The following HIPK1 variants were observed in gnomAD, a reference collection of about 807,000 sequenced individuals.
HIPK1 encodes homeodomain-interacting protein kinase 1.
HIPK1 carries 28 observed loss-of-function variants against 117.1 expected under a neutral mutation model. The ratio of observed to expected loss-of-function variants is 0.24; its 90% CI spans 0.18 to 0.33. The LOEUF (loss-of-function observed/expected upper bound fraction) is 0.33. Ranked by LOEUF, HIPK1 falls within the 10% of genes least tolerant of loss-of-function variation. HIPK1 has a pLI of 1.00. For synonymous variants in HIPK1, 605 were observed against 562.5 expected (o/e 1.08, Z -1.07); for missense variants, 1,122 against 1,475.1 (o/e 0.76, Z 3.92).
chr1:113,970,487 A>G lies in HIPK1; in HGVS notation c.3013+290A>G, dbSNP rs770679210. Among the ~76,000 whole-genome samples, 3 of 152,268 alleles carry G rather than the reference A, an allele frequency of 2.0e-5. No homozygotes were observed. In the East Asian group the frequency reaches 5.8e-4, roughly 29 times the overall value. ...CAAGACGTGTGATATTGCAAGAAGA[A>G]TTAGCAGGCAATTAGGTTTGCCACA... is the stretch of plus-strand genomic sequence containing the variant. On this transcript the variant is annotated intron_variant, in intron 14 of 15. Coordinates refer to ENST00000426820, the MANE Select transcript of HIPK1 (RefSeq NM_198268.3).
At chr1:113,951,509 CCT>C (rs1223748765) in intron 2 of HIPK1, among the ~76,000 whole-genome samples, 3 of 152,164 alleles carry the variant, frequency 2.0e-5, no homozygotes, top group Non-Finnish European at 4.4e-5. Context: ...TTATGGATTA[CCT>C]TAGTCATCTC....
intron 1 of HIPK1, chr1:113,929,772 C>A: frequency 2.2e-6 from 2 of 915,250 alleles, no homozygotes; most frequent in Non-Finnish European, 2.6e-6. Flanking sequence ...GCTGAGGAGG[C>A]TCCCCCTGCG....
chr1:113,963,307 TGGG>T, intron 9 of HIPK1, 77 bp from the exon 10 acceptor site: 3 of 1,486,730 alleles, frequency 2.0e-6, no homozygotes, highest in Non-Finnish European at 2.8e-6. Flanking sequence ...AGTAATAACT[TGGG>T]GGGAATGAGA....
In HIPK1 at chr1:113,970,214, C is replaced by T; in HGVS notation, c.3013+17C>T. On this transcript the variant is annotated intron_variant, in intron 14 of 15. Transcript: ENST00000426820. ...AGGCCTCAGGTCAGTGTTATCTTCA[C>T]AGCTTGAGTTGAATTCTCCTTTGAT... The T allele has an allele frequency of 6.2e-7, 1 of 1,612,842 alleles. No individual in the cohort carries two copies. Among genetic ancestry groups the T allele is most frequent in the Non-Finnish European group, 8.5e-7 (1 of 1,178,890 alleles).
rs144510521 is a variant in HIPK1, at chr1:113,929,507, G to T, written c.-28G>T. On this transcript the variant is annotated 5_prime_UTR_variant, in exon 1 of 16. Coordinates refer to ENST00000426820, the MANE Select transcript of HIPK1 (RefSeq NM_198268.3). ...CAGTACTATGCGATCGTCCTAGAGAGTCCATTCAGCTGCACTTCCGCCTCA... is the reference window on the plus strand; with the variant it reads ...CAGTACTATGCGATCGTCCTAGAGATTCCATTCAGCTGCACTTCCGCCTCA... 7.8e-7 allele frequency: 1 copy of T among 1,288,862 alleles called. No individual in the cohort carries two copies. The highest frequency in any genetic ancestry group is 5.5e-5 in the East Asian group (1 of 18,070). 79.8% of individuals were successfully genotyped at this position (1,288,862 alleles called of 1,614,324 possible). A position where few individuals can be genotyped will look rare whatever the true frequency, so the allele number is the denominator to read the frequency against.
At chr1:113,938,948 A>ACACACACACG (rs1359205688) in intron 1 of HIPK1, among the ~76,000 whole-genome samples, 1 of 148,934 alleles carries the variant, frequency 6.7e-6, no homozygotes, top group East Asian at 2.0e-4. Context: ...ACACACACAC[A>ACACACACACG]CACACACACA....
Position 113,964,970 on chromosome 1 carries a change from C to G in HIPK1, c.2239-1160C>G, listed in dbSNP as rs548853041. ...CTTTGTATTAAACTACATGCTTTGT[C>G]TTGTGCAGGTGTTGGCTTATGGAAA... On this transcript the variant is annotated intron_variant, in intron 10 of 15. Transcript: ENST00000426820. Among the ~76,000 whole-genome samples the G allele has an allele frequency of 2.0e-5, 3 of 152,326 alleles. No individual in the cohort carries two copies. The South Asian group carries it at 6.2e-4, about 32-fold the overall frequency.
chr1:113,961,742 G>A (rs1481668071), intron 8 of HIPK1, among the ~76,000 whole-genome samples: 4 of 151,966 alleles, frequency 2.6e-5, no homozygotes, highest in East Asian at 1.9e-4. Flanking sequence ...TCAGGAGTTC[G>A]AGACCAGCCT....
At chr1:113,972,128 C>T in intron 15 of HIPK1, 174 bp downstream of exon 15, 1 of 1,539,288 alleles carries the variant, frequency 6.5e-7, no homozygotes, top group African/African-American at 1.4e-5. Context: ...TTCATTCACT[C>T]TGTAAGTGTG....
At chr1:113,957,971 T>C (rs185208247) in intron 7 of HIPK1, 95 bp from the exon 8 acceptor site, 3 of 929,716 alleles carry the variant, frequency 3.2e-6, no homozygotes, top group African/African-American at 1.7e-5. Flanking sequence ...TTTTAAAACA[T>C]TATTCTACGT....
intron 7 of HIPK1, among the ~76,000 whole-genome samples, chr1:113,957,495 T>C (rs764702615): frequency 1.1e-4 from 17 of 152,214 alleles, no homozygotes; most frequent in Non-Finnish European, 2.2e-4. Flanking sequence ...GCCTAATCCA[T>C]GCCCTCATAT....
At chr1:113,955,671 AAGTC>A in intron 5 of HIPK1, 22 bp downstream of exon 5, 1 of 1,310,644 alleles carries the variant, frequency 7.6e-7, no homozygotes, top group Non-Finnish European at 1.1e-6. Context: ...AAGTTTCAGA[AAGTC>A]AGACATTTAT....
intron 8 of HIPK1, among the ~76,000 whole-genome samples, chr1:113,961,837 G>A (rs1486631940): frequency 6.6e-6 from 1 of 151,068 alleles, no homozygotes; most frequent in African/African-American, 2.4e-5. Flanking sequence ...GCAGCTACTT[G>A]GGAGGCTGTG....
At chr1:113,929,675 G>T (rs1169231803) in intron 1 of HIPK1, 143 bp downstream of exon 1, 2 of 868,746 alleles carry the variant, frequency 2.3e-6, no homozygotes, top group South Asian at 1.9e-5. Flanking sequence ...AGCCCCGGAC[G>T]GCAGCAGGAG....
chr1:113,947,185 T>C (rs945077728), intron 2 of HIPK1, among the ~76,000 whole-genome samples: 1 of 152,180 alleles, frequency 6.6e-6, no homozygotes, highest in African/African-American at 2.4e-5. Flanking sequence ...GGCTAAATGA[T>C]TCAGGCAGTG....
rs796970957 is a variant in HIPK1 at position 113,950,119 on chromosome 1, A to AT, written c.1077-2637dup. On this transcript the variant is annotated intron_variant, in intron 2 of 15. Transcript: ENST00000426820. Reference sequence around the variant, plus strand: ...ATTTATGTATAAATACTAGGGGAGGATTTTTTTTTTCTTCTATGCCTAGTT... The same window carrying AT: ...ATTTATGTATAAATACTAGGGGAGGATTTTTTTTTTTCTTCTATGCCTAGTT... Among the ~76,000 whole-genome samples the AT allele has an allele frequency of 1.0e-3, 155 of 149,838 alleles. 2 individuals carry two copies. Among genetic ancestry groups the AT allele is most frequent in the Middle Eastern group, 6.8e-3 (2 of 294 alleles).
Position 113,940,944 on chromosome 1 carries a change from C to T in HIPK1, c.561C>T (p.Thr187=), listed in dbSNP as rs1383028445. ...LVQHEILCSM[T]NSYEVLEFLG... is the part of the protein sequence containing the mutation. ...AGCATGAGATCCTTTGCTCTATGAC[C>T]AATAGCTATGAAGTCTTGGAGTTCC... The change falls in exon 2 of 16, where the codon ACC becomes ACT. Residue 187 remains threonine, a synonymous_variant. Transcript: ENST00000426820. The T allele has an allele frequency of 4.7e-5, 76 of 1,614,002 alleles. No homozygotes were observed. The highest frequency in any genetic ancestry group is 6.3e-5 in the Non-Finnish European group (74 of 1,180,044).
At chr1:113,963,344 G>A (rs1672244536) in intron 9 of HIPK1, 43 bp from the exon 10 acceptor site, 1 of 1,605,532 alleles carries the variant, frequency 6.2e-7, no homozygotes, top group Non-Finnish European at 8.5e-7. Flanking sequence ...CAGATATCCT[G>A]CCTCCGTGTT....
In HIPK1 at chr1:113,977,070, A is replaced by G. The variant is rs1478085841; in HGVS notation, c.*3558A>G. On this transcript the variant is annotated 3_prime_UTR_variant, in exon 16 of 16. Transcript: ENST00000426820. ...TGTGATTGCTCATCCATTGTCCTCC[A>G]CTAGAGGGGCTAAGCTTGACTGCCC... 6.6e-6 allele frequency: 1 copy of G among 152,630 alleles called. No homozygotes were observed. The highest frequency in any genetic ancestry group is 1.5e-5 in the Non-Finnish European group (1 of 68,004). 9.5% of individuals were successfully genotyped at this position (152,630 alleles called of 1,614,324 possible).
Sources: allele counts gnomAD v4.1 joint callset (sites outside exome capture counted in the v4.1 genomes callset), GRCh38; gene constraint gnomAD v4.1.1; transcripts MANE v1.5; gene names NCBI Gene and HGNC (gene_info 2026-07-23, HGNC 2026-07-21).